The following JKAMP variants were observed in gnomAD, a reference collection of about 807,000 sequenced individuals.
JKAMP encodes JNK1/MAPK8 associated membrane protein, also known as JNK1/MAPK8-associated membrane protein.
Under a neutral mutation model 40.2 loss-of-function variants are expected in JKAMP, and 20 were observed. The ratio of observed to expected loss-of-function variants is 0.50; its 90% CI spans 0.35 to 0.72. JKAMP has a LOEUF of 0.72. Ranked by LOEUF, JKAMP falls within the 30% of genes least tolerant of loss-of-function variation. JKAMP has a pLI of 0.01. For synonymous variants in JKAMP, 138 were observed against 131.6 expected (o/e 1.05, Z -0.33); for missense variants, 276 against 373.0 (o/e 0.74, Z 2.14).
chr14:59,500,258 T>C (rs905819843), intron 5 of JKAMP, among the ~76,000 whole-genome samples: 1 of 152,194 alleles, frequency 6.6e-6, no homozygotes, highest in Non-Finnish European at 1.5e-5. Flanking sequence ...ATCAGGCCTG[T>C]ATAGATAATT....
At chr14:59,486,503 C>A (rs568341223) in intron 1 of JKAMP, among the ~76,000 whole-genome samples, 2 of 152,262 alleles carry the variant, frequency 1.3e-5, no homozygotes, top group South Asian at 4.1e-4. Context: ...TCATAAGGCA[C>A]GGTATTAACA....
intron 3 of JKAMP, among the ~76,000 whole-genome samples, chr14:59,488,633 G>A (rs1315222267): frequency 6.6e-6 from 1 of 152,192 alleles, no homozygotes; most frequent in Non-Finnish European, 1.5e-5. Context: ...AGGCCAGAAT[G>A]TGAAGGTTCT....
chr14:59,484,782 T>C (rs2139846203), intron 1 of JKAMP, 189 bp downstream of exon 1: 2 of 913,096 alleles, frequency 2.2e-6, no homozygotes, highest in Non-Finnish European at 3.2e-6. Flanking sequence ...CGCAACGGGC[T>C]ACTAGGGGAG....
intron 4 of JKAMP, among the ~76,000 whole-genome samples, chr14:59,495,997 G>C (rs144237252): frequency 1.1e-3 from 170 of 152,294 alleles, no homozygotes; most frequent in African/African-American, 3.9e-3. Context: ...TCTGCCTTCT[G>C]GGTTCAAGTG....
chr14:59,494,782 A>C (rs1179224169), intron 3 of JKAMP, among the ~76,000 whole-genome samples: 2 of 152,232 alleles, frequency 1.3e-5, no homozygotes, highest in African/African-American at 4.8e-5. Flanking sequence ...TTTTAGCAAC[A>C]ATTTGGCAAG....
At chr14:59,484,969 C>T in intron 1 of JKAMP, 1 of 1,546,362 alleles carries the variant, frequency 6.5e-7, no homozygotes, top group South Asian at 1.2e-5. Context: ...AATTTGTCTA[C>T]TGCTTCAACC....
Position 59,504,378 on chromosome 14 carries a change from A to G in JKAMP, c.*306A>G, listed in dbSNP as rs890578584. ...AAATCATGTTTCTGTGTACCTAGCA[A>G]TGTGTTCCCATTTTATTAAGAAAAG... On this transcript the variant is annotated 3_prime_UTR_variant, in exon 7 of 7. Coordinates refer to ENST00000616435, the MANE Select transcript of JKAMP (RefSeq NM_016475.5). 6.9e-6 allele frequency: 2 copies of G among 290,788 alleles called. No homozygotes were observed. The highest frequency in any genetic ancestry group is 1.3e-4 in the East Asian group (2 of 15,132). The allele number at this position is 290,788 out of a possible 1,614,324, so 18.0% of individuals were successfully genotyped here. A position where few individuals can be genotyped will look rare whatever the true frequency, so the allele number is the denominator to read the frequency against.
At chr14:59,494,121 G>GGTGTGTGT (rs55831018) in intron 3 of JKAMP, among the ~76,000 whole-genome samples, 54,810 of 150,954 alleles carry the variant, frequency 0.36, 10,577 homozygotes, top group African/African-American at 0.5. Flanking sequence ...AGAAAATTTG[G>GGTGTGTGT]GTGTGTGTGT....
At chr14:59,488,126 T>C (rs1890721264) in intron 3 of JKAMP, among the ~76,000 whole-genome samples, 1 of 152,082 alleles carries the variant, frequency 6.6e-6, no homozygotes, top group African/African-American at 2.4e-5. Flanking sequence ...TACAAGCTAT[T>C]TATTGTTATG....
chr14:59,498,155 A>G (rs1030749665), intron 4 of JKAMP, among the ~76,000 whole-genome samples: 5 of 152,192 alleles, frequency 3.3e-5, no homozygotes, highest in African/African-American at 9.6e-5. Flanking sequence ...TACAAATTTT[A>G]TCTTTCCAGT....
At chr14:59,501,948 TG>T (rs1566583293) in intron 6 of JKAMP, among the ~76,000 whole-genome samples, 1 of 152,192 alleles carries the variant, frequency 6.6e-6, no homozygotes, top group Non-Finnish European at 1.5e-5. Flanking sequence ...TTGTAGTCAC[TG>T]GGTAGAATAG....
chr14:59,490,868 T>TA (rs1189082161), intron 3 of JKAMP, among the ~76,000 whole-genome samples: 1 of 152,186 alleles, frequency 6.6e-6, no homozygotes, highest in East Asian at 1.9e-4. Flanking sequence ...CAGGCATAGG[T>TA]ATGTCTTCAC....
chr14:59,501,767 A>T (rs540236900), intron 6 of JKAMP, among the ~76,000 whole-genome samples: 2 of 152,298 alleles, frequency 1.3e-5, no homozygotes, highest in South Asian at 4.1e-4. Flanking sequence ...TGGAGCTAAC[A>T]TTAATAGCCA....
intron 5 of JKAMP, 38 bp from the exon 6 acceptor site, chr14:59,501,153 G>C (rs1365761477): frequency 3.1e-6 from 4 of 1,276,380 alleles, no homozygotes; most frequent in Non-Finnish European, 3.3e-6. Context: ...GAGAAAATTT[G>C]TTTCATTTCC....
chr14:59,492,988 C>G (rs544148032), intron 3 of JKAMP, among the ~76,000 whole-genome samples: 3 of 151,216 alleles, frequency 2.0e-5, no homozygotes, highest in East Asian at 2.0e-4. Flanking sequence ...TTAGTAGAGA[C>G]GGGGTTTCAC....
chr14:59,489,815 G>C (rs1320506087), intron 3 of JKAMP, among the ~76,000 whole-genome samples: 1 of 152,190 alleles, frequency 6.6e-6, no homozygotes, highest in Non-Finnish European at 1.5e-5. Context: ...GAAGGCAAAG[G>C]GGAACCAGTG....
rs1892180325 is a variant in JKAMP, at chr14:59,504,255, CTG to C, written c.*185_*186del. On this transcript the variant is annotated 3_prime_UTR_variant, in exon 7 of 7. Coordinates refer to ENST00000616435, the MANE Select transcript of JKAMP (RefSeq NM_016475.5). ...TTACAGACTTGGAAAATGCAAAACT[CTG>C]TAATACTCTGTTACACAGGGTAATA... 1.7e-6 allele frequency: 1 copy of C among 596,736 alleles called. No individual in the cohort carries two copies. Among genetic ancestry groups the C allele is most frequent in the Non-Finnish European group, 3.0e-6 (1 of 337,366 alleles). 37.0% of individuals were successfully genotyped at this position (596,736 alleles called of 1,614,324 possible). A position where few individuals can be genotyped will look rare whatever the true frequency, so the allele number is the denominator to read the frequency against.
intron 5 of JKAMP, among the ~76,000 whole-genome samples, chr14:59,500,019 C>T (rs1891750871): frequency 6.6e-6 from 1 of 152,166 alleles, no homozygotes; most frequent in African/African-American, 2.4e-5. Flanking sequence ...CTGATTTGCA[C>T]TAATTTGGGC....
At chr14:59,499,649 C>T (rs1594949922) in intron 5 of JKAMP, among the ~76,000 whole-genome samples, 1 of 152,180 alleles carries the variant, frequency 6.6e-6, no homozygotes, top group South Asian at 2.1e-4. Flanking sequence ...TGACATTGAA[C>T]GTCCCAAGGA....
Sources: gnomAD v4.1 joint callset for allele counts (sites outside exome capture counted in the v4.1 genomes callset) on GRCh38, gnomAD v4.1.1 for gene constraint, MANE v1.5 for transcripts, NCBI Gene and HGNC (gene_info 2026-07-23, HGNC 2026-07-21) for gene names.